SPATS2L: variants seen among roughly 807,000 people sequenced by gnomAD.
The protein encoded by SPATS2L is SPATS2-like protein.
SPATS2L carries 30 observed loss-of-function variants against 59.6 expected under a neutral mutation model. That is an observed-to-expected ratio of 0.50 (90% CI 0.38 to 0.68). The LOEUF (loss-of-function observed/expected upper bound fraction) is 0.68. SPATS2L is among the 30% of genes least tolerant of loss of function. The pLI is 0.00. For synonymous variants in SPATS2L, 252 were observed against 263.5 expected (o/e 0.96, Z 0.42); for missense variants, 615 against 700.0 (o/e 0.88, Z 1.37).
chr2:200,306,099 G>A, upstream of SPATS2L: 1 of 986,084 alleles, frequency 1.0e-6, no homozygotes, highest in African/African-American at 1.7e-5. Flanking sequence ...AACACCCCGG[G>A]TTGGTCGGGT....
chr2:200,321,028 T>C (rs1332298633), intron 1 of SPATS2L, among the ~76,000 whole-genome samples: 1 of 152,240 alleles, frequency 6.6e-6, no homozygotes, highest in African/African-American at 2.4e-5. Context: ...AAATAATACA[T>C]ACTCTTTGAA....
intron 3 of SPATS2L, among the ~76,000 whole-genome samples, chr2:200,406,925 G>C (rs2082706588): frequency 6.6e-6 from 1 of 152,304 alleles, no homozygotes; most frequent in African/African-American, 2.4e-5. Flanking sequence ...GAAGGGAAAA[G>C]TGGGGACAGA....
chr2:200,434,462 G>C (rs1420159767), intron 6 of SPATS2L, among the ~76,000 whole-genome samples: 1 of 151,518 alleles, frequency 6.6e-6, no homozygotes, highest in Admixed American at 6.6e-5. Context: ...TTTGTAGAAA[G>C]AAAATCTTAA....
At chr2:200,315,344 G>C (rs2079334055) in intron 1 of SPATS2L, among the ~76,000 whole-genome samples, 1 of 152,174 alleles carries the variant, frequency 6.6e-6, no homozygotes, top group Non-Finnish European at 1.5e-5. Context: ...GGCCCACCCA[G>C]CCATCATCAG....
chr2:200,379,756 G>A (rs2081737256), intron 2 of SPATS2L, among the ~76,000 whole-genome samples: 1 of 152,128 alleles, frequency 6.6e-6, no homozygotes, highest in South Asian at 2.1e-4. Context: ...TGCTTGGAGA[G>A]GGTGACATTT....
intron 2 of SPATS2L, among the ~76,000 whole-genome samples, chr2:200,359,952 A>G (rs1004411824): frequency 6.6e-6 from 1 of 152,214 alleles, no homozygotes; most frequent in Admixed American, 6.5e-5. Flanking sequence ...GGAGTGCTCA[A>G]AATAATCCTT....
intron 2 of SPATS2L, among the ~76,000 whole-genome samples, chr2:200,355,780 T>C (rs2080895202): frequency 6.6e-6 from 1 of 152,250 alleles, no homozygotes; most frequent in African/African-American, 2.4e-5. Context: ...CAGAATATAA[T>C]TCAGACAATT....
At chr2:200,414,502 T>G (rs1191732417) in intron 4 of SPATS2L, among the ~76,000 whole-genome samples, 1 of 152,042 alleles carries the variant, frequency 6.6e-6, no homozygotes, top group Non-Finnish European at 1.5e-5. Flanking sequence ...TGGTGACACA[T>G]GCCTGTAGTC....
intron 8 of SPATS2L, 111 bp from the exon 9 acceptor site, chr2:200,459,658 T>C: frequency 3.6e-6 from 3 of 828,810 alleles, no homozygotes; most frequent in Non-Finnish European, 5.8e-6. Context: ...GAAATATTTA[T>C]GGTAATTTTG....
At chr2:200,306,625 G>A (rs528552688), upstream of SPATS2L, 223 of 993,472 alleles carry the variant, frequency 2.2e-4, no homozygotes, top group South Asian at 4.6e-3. Context: ...AGGGGAAGGC[G>A]GGCGGGTCGG....
At chr2:200,379,661 C>A (rs2105907082) in intron 2 of SPATS2L, among the ~76,000 whole-genome samples, 1 of 151,946 alleles carries the variant, frequency 6.6e-6, no homozygotes, top group East Asian at 1.9e-4. Context: ...CCAAACCCCT[C>A]TGGGATTTGG....
chr2:200,336,554 AT>A (rs893768793), intron 2 of SPATS2L, among the ~76,000 whole-genome samples: 1 of 151,536 alleles, frequency 6.6e-6, no homozygotes, highest in Non-Finnish European at 1.5e-5. Context: ...AAAGACCTTA[AT>A]TTTTTTTTCT....
At chr2:200,394,950 C>T (rs1454879749) in intron 3 of SPATS2L, among the ~76,000 whole-genome samples, 1 of 152,074 alleles carries the variant, frequency 6.6e-6, no homozygotes, top group Non-Finnish European at 1.5e-5. Flanking sequence ...GAAAAAAATT[C>T]CCCAAATGTC....
At chr2:200,352,783 A>C (rs1362603119) in intron 2 of SPATS2L, among the ~76,000 whole-genome samples, 2 of 152,190 alleles carry the variant, frequency 1.3e-5, no homozygotes, top group African/African-American at 4.8e-5. Flanking sequence ...GTGAAGGGGT[A>C]ATGAATTCCT....
chr2:200,380,707 AT>A (rs1338238369), intron 2 of SPATS2L, among the ~76,000 whole-genome samples: 1 of 152,152 alleles, frequency 6.6e-6, no homozygotes, highest in Non-Finnish European at 1.5e-5. Flanking sequence ...TAAATGTGAA[AT>A]TTTTTTCTGA....
chr2:200,472,765 C>T, intron 11 of SPATS2L, 67 bp from the exon 12 acceptor site: 2 of 1,392,408 alleles, frequency 1.4e-6, no homozygotes, highest in Non-Finnish European at 2.0e-6. Flanking sequence ...CTAGCGCTTC[C>T]TAATGGGTTA....
At chr2:200,316,625 T>C (rs2079388362) in intron 1 of SPATS2L, among the ~76,000 whole-genome samples, 1 of 152,048 alleles carries the variant, frequency 6.6e-6, no homozygotes. Flanking sequence ...GGTAAACAAG[T>C]TTTCACTTTT....
chr2:200,406,546 C>G (rs2082695149), intron 3 of SPATS2L, among the ~76,000 whole-genome samples: 1 of 152,158 alleles, frequency 6.6e-6, no homozygotes, highest in South Asian at 2.1e-4. Context: ...TGCACTCCAG[C>G]TTCTCTCCCT....
At chr2:200,391,987 A>C (rs1281011870) in intron 3 of SPATS2L, among the ~76,000 whole-genome samples, 3 of 152,250 alleles carry the variant, frequency 2.0e-5, no homozygotes, top group Non-Finnish European at 4.4e-5. Flanking sequence ...CAAAATTTTT[A>C]TCCATTGTAT....
Sources: gnomAD v4.1 joint callset for allele counts (sites outside exome capture counted in the v4.1 genomes callset) on GRCh38, gnomAD v4.1.1 for gene constraint, MANE v1.5 for transcripts, NCBI Gene and HGNC (gene_info 2026-07-23, HGNC 2026-07-21) for gene names.